The following MACROH2A1 variants were observed in gnomAD, a reference collection of about 807,000 sequenced individuals.
MACROH2A1 encodes the protein core histone macro-H2A.1.
A neutral mutation model predicts 31.6 loss-of-function variants in MACROH2A1; 2 were observed. That is an observed-to-expected ratio of 0.06 (90% confidence interval 0.03 to 0.20). MACROH2A1 has a LOEUF of 0.20. Among genes scored for constraint, MACROH2A1 ranks in the 10% least tolerant of loss-of-function variants. MACROH2A1 has a pLI of 1.00. For synonymous variants in MACROH2A1, 169 were observed against 189.6 expected (o/e 0.89, Z 0.89); for missense variants, 230 against 474.0 (o/e 0.49, Z 4.78).
chr5:135,370,326 A>G (rs1307737342), intron 2 of MACROH2A1, among the ~76,000 whole-genome samples, 184 bp from the exon 3 acceptor site: 1 of 152,192 alleles, frequency 6.6e-6, no homozygotes, highest in Non-Finnish European at 1.5e-5. Context: ...GGACCTAGGA[A>G]GCCCCAGGTC....
Position 135,337,344 on chromosome 5 carries a change from GAC to G in MACROH2A1, c.954-2205_954-2204del, listed in dbSNP as rs548873159. Reference sequence around the variant, plus strand: ...GCTGGGTGAGATGTGGTATGATGCAGACACAGTGTAGCCTGGCCCATGCCCAT... The same window carrying G: ...GCTGGGTGAGATGTGGTATGATGCAGACAGTGTAGCCTGGCCCATGCCCAT... On this transcript the variant is annotated intron_variant, in intron 8 of 8. Transcript: ENST00000511689. 4.7e-5 allele frequency among the ~76,000 whole-genome samples: 7 copies of G among 148,236 alleles called. No homozygotes were observed. In the South Asian group the frequency reaches 1.5e-3, roughly 31 times the overall value.
At chr5:135,393,362 C>G (rs1277901539) in intron 1 of MACROH2A1, among the ~76,000 whole-genome samples, 1 of 152,342 alleles carries the variant, frequency 6.6e-6, no homozygotes, top group East Asian at 1.9e-4. Context: ...GGGAAATGTA[C>G]TCTGGCTATT....
At chr5:135,370,582 G>A (rs1764058130) in intron 2 of MACROH2A1, among the ~76,000 whole-genome samples, 1 of 152,170 alleles carries the variant, frequency 6.6e-6, no homozygotes, top group African/African-American at 2.4e-5. Context: ...CTATTGAGGA[G>A]GCCTGTTAAA....
At chr5:135,358,517 A>T (rs755766452) in intron 5 of MACROH2A1, 148 of 985,194 alleles carry the variant, frequency 1.5e-4, no homozygotes, top group Non-Finnish European at 1.8e-4. Flanking sequence ...GTGATATGGG[A>T]AAGAAGGCTA....
intron 8 of MACROH2A1, chr5:135,338,119 TC>T: frequency 2.1e-6 from 1 of 475,100 alleles, no homozygotes; most frequent in Non-Finnish European, 2.9e-6. Context: ...GCAAGAGCAC[TC>T]CACACACAGC....
intron 6 of MACROH2A1, among the ~76,000 whole-genome samples, chr5:135,349,242 A>G (rs1174769391): frequency 6.6e-6 from 1 of 152,024 alleles, no homozygotes; most frequent in Non-Finnish European, 1.5e-5. Flanking sequence ...GGCCTTAGTC[A>G]CTCCCAGCTA....
chr5:135,382,687 T>C (rs1288605611), intron 2 of MACROH2A1, among the ~76,000 whole-genome samples: 3 of 152,168 alleles, frequency 2.0e-5, no homozygotes, highest in Admixed American at 2.0e-4. Context: ...GTAAAGGACA[T>C]TGTTAGGGGA....
chr5:135,357,701 A>G (rs1762346974), intron 5 of MACROH2A1: 2 of 982,788 alleles, frequency 2.0e-6, no homozygotes, highest in Non-Finnish European at 2.4e-6. Context: ...GCTGAACACA[A>G]AGCAAAAGCA....
At chr5:135,358,735 C>G (rs980127806) in intron 5 of MACROH2A1, 82 of 953,616 alleles carry the variant, frequency 8.6e-5, no homozygotes, top group Admixed American at 1.2e-4. Context: ...AGTATCAATA[C>G]TTTTCTATGG....
chr5:135,359,334 A>G (rs1581215020), intron 5 of MACROH2A1: 1 of 985,172 alleles, frequency 1.0e-6, no homozygotes, highest in South Asian at 4.7e-5. Flanking sequence ...GGGTGAAAGT[A>G]GACCCAGGCA....
At chr5:135,387,870 TG>T (rs1032667755) in intron 2 of MACROH2A1, among the ~76,000 whole-genome samples, 4 of 152,102 alleles carry the variant, frequency 2.6e-5, no homozygotes, top group African/African-American at 4.8e-5. Flanking sequence ...AGGGTAAGGC[TG>T]GAATACCTTA....
intron 6 of MACROH2A1, chr5:135,347,230 A>ATGTT (rs1009046055): frequency 2.0e-5 from 3 of 152,342 alleles, no homozygotes; most frequent in African/African-American, 4.8e-5. Flanking sequence ...CCTCCTTTGA[A>ATGTT]TGTTTGTTCT....
At chr5:135,348,643 T>C (rs1458718719) in intron 6 of MACROH2A1, among the ~76,000 whole-genome samples, 1 of 152,258 alleles carries the variant, frequency 6.6e-6, no homozygotes, top group Non-Finnish European at 1.5e-5. Context: ...TGAGGCCATG[T>C]AGGAATCTGG....
intron 6 of MACROH2A1, among the ~76,000 whole-genome samples, chr5:135,348,193 C>G (rs763751067): frequency 3.3e-5 from 5 of 152,218 alleles, no homozygotes; most frequent in Non-Finnish European, 7.3e-5. Context: ...TTCATGTAGA[C>G]ACACATGTAC....
At chr5:135,394,355 C>A (rs1298870596) in intron 1 of MACROH2A1, among the ~76,000 whole-genome samples, 2 of 152,212 alleles carry the variant, frequency 1.3e-5, no homozygotes, top group Non-Finnish European at 2.9e-5. Context: ...CTGCCATGGC[C>A]ATGCCTTCTG....
intron 7 of MACROH2A1, chr5:135,344,766 A>AAAG (rs1760552436): frequency 6.6e-6 from 1 of 152,362 alleles, no homozygotes; most frequent in Admixed American, 6.5e-5. Context: ...ATCAAGAACA[A>AAAG]AAGTGTTATT....
chr5:135,355,169 A>T (rs1762026098), intron 5 of MACROH2A1: 1 of 455,948 alleles, frequency 2.2e-6, no homozygotes, highest in East Asian at 6.9e-5. Context: ...TCGCGGGAGA[A>T]CCACCTGCTC....
In MACROH2A1 at chr5:135,379,337, C is replaced by A. The variant is rs73294525; in HGVS notation, c.173-9195G>T. Among the ~76,000 whole-genome samples, 822 of 152,238 alleles carry A rather than the reference C, an allele frequency of 5.4e-3. 7 individuals carry two copies. Among genetic ancestry groups the A allele is most frequent in the African/African-American group, 0.018 (759 of 41,546 alleles). Reference sequence around the variant, plus strand: ...TTCTAGCCACTAAATGGAAGATGCACTTGCCTAAAAAGGAAGCAGGTGGGG... The same window carrying A: ...TTCTAGCCACTAAATGGAAGATGCAATTGCCTAAAAAGGAAGCAGGTGGGG... On this transcript the variant is annotated intron_variant, in intron 2 of 8. Transcript: ENST00000511689.
chr5:135,357,777 T>C lies in MACROH2A1; in HGVS notation c.588+2720A>G, dbSNP rs77022721. On this transcript the variant is annotated intron_variant, in intron 5 of 8. Coordinates refer to ENST00000511689, the MANE Select transcript of MACROH2A1 (RefSeq NM_138610.3). ...AACAATTCAACAATGTGTGTGAACATTGGGCAAAATCAGAGAGTAATGGCT... is the reference window on the plus strand; with the variant it reads ...AACAATTCAACAATGTGTGTGAACACTGGGCAAAATCAGAGAGTAATGGCT... The C allele has an allele frequency of 3.6e-3, 3,569 of 984,122 alleles. 12 individuals are homozygous for C. Among genetic ancestry groups the C allele is most frequent in the Non-Finnish European group, 4.1e-3 (3,424 of 828,742 alleles). The allele number at this position is 984,122 out of a possible 1,614,324, so 61.0% of individuals were successfully genotyped here.
Sources: allele counts gnomAD v4.1 joint callset (sites outside exome capture counted in the v4.1 genomes callset), GRCh38; gene constraint gnomAD v4.1.1; transcripts MANE v1.5; gene names NCBI Gene and HGNC (gene_info 2026-07-23, HGNC 2026-07-21).